NPAS3: variants seen among roughly 807,000 people sequenced by gnomAD.
NPAS3 encodes neuronal PAS domain-containing protein 3.
NPAS3 carries 14 observed loss-of-function variants against 73.1 expected under a neutral mutation model. The observed-to-expected ratio is 0.19, with a 90% CI of 0.13 to 0.30. The LOEUF (loss-of-function observed/expected upper bound fraction) is 0.30. Among genes scored for constraint, NPAS3 ranks in the 10% least tolerant of loss-of-function variants. The pLI is 1.00. For synonymous variants in NPAS3, 620 were observed against 541.5 expected (o/e 1.14, Z -2.01); for missense variants, 1,096 against 1,250.0 (o/e 0.88, Z 1.86).
chr14:32,970,960 A>C (rs2037394335), intron 1 of NPAS3, among the ~76,000 whole-genome samples: 1 of 152,068 alleles, frequency 6.6e-6, no homozygotes, highest in Non-Finnish European at 1.5e-5. Context: ...GCACAGTCCA[A>C]CCCATGACAC....
chr14:33,532,874 G>T (rs545449992), intron 4 of NPAS3, among the ~76,000 whole-genome samples: 1 of 152,124 alleles, frequency 6.6e-6, no homozygotes, highest in South Asian at 2.1e-4. Flanking sequence ...AATTTTGTTG[G>T]TTCATTGTCC....
chr14:33,609,343 G>A (rs779734666), intron 5 of NPAS3, among the ~76,000 whole-genome samples: 2 of 152,158 alleles, frequency 1.3e-5, no homozygotes, highest in Non-Finnish European at 2.9e-5. Flanking sequence ...TGAATTCATC[G>A]TATGAGAGAC....
intron 6 of NPAS3, among the ~76,000 whole-genome samples, chr14:33,712,054 G>C (rs1158149542): frequency 6.6e-6 from 1 of 152,138 alleles, no homozygotes; most frequent in Non-Finnish European, 1.5e-5. Flanking sequence ...CTATGGCATG[G>C]TGAAAAGTTG....
rs2045721614 is a variant in NPAS3, at chr14:33,363,944, GTGTGT to G, written c.386-3236_386-3232del. 1.2e-4 allele frequency among the ~76,000 whole-genome samples: 18 copies of G among 151,852 alleles called. No homozygotes were observed. In the South Asian group the frequency reaches 3.5e-3, roughly 30 times the overall value. On this transcript the variant is annotated intron_variant, in intron 3 of 11. Transcript: ENST00000356141. Reference sequence around the variant, plus strand: ...CCTCTGTGTGTGTGTGTGTGTGTGTGTGTGTTGTGTGTGTGTGTATAGGTTAATTT... The same window carrying G: ...CCTCTGTGTGTGTGTGTGTGTGTGTGTGTGTGTGTGTGTATAGGTTAATTT...
At chr14:33,226,557 A>C (rs545784270) in intron 3 of NPAS3, among the ~76,000 whole-genome samples, 1 of 152,292 alleles carries the variant, frequency 6.6e-6, no homozygotes, top group South Asian at 2.1e-4. Context: ...AAAATGAATA[A>C]ATGTGGCTAA....
At chr14:33,787,639 CCTG>C (rs2063219800) in intron 9 of NPAS3, among the ~76,000 whole-genome samples, 1 of 151,654 alleles carries the variant, frequency 6.6e-6, no homozygotes, top group Non-Finnish European at 1.5e-5. Context: ...TTTCTGGATG[CCTG>C]CTATTTAAGA....
chr14:33,430,151 G>A (rs2048723734), intron 4 of NPAS3, among the ~76,000 whole-genome samples: 2 of 152,138 alleles, frequency 1.3e-5, no homozygotes, highest in South Asian at 2.1e-4. Context: ...GCTTGTTGTT[G>A]CTCTTGCAAG....
intron 7 of NPAS3, among the ~76,000 whole-genome samples, chr14:33,770,923 A>G (rs974827833): frequency 2.0e-5 from 3 of 152,130 alleles, no homozygotes; most frequent in Admixed American, 6.5e-5. Flanking sequence ...CAAAACAAAA[A>G]ATCTTTGCAA....
At chr14:33,249,518 G>A (rs889862702) in intron 3 of NPAS3, among the ~76,000 whole-genome samples, 1 of 151,996 alleles carries the variant, frequency 6.6e-6, no homozygotes, top group African/African-American at 2.4e-5. Context: ...AAGGTCAAAG[G>A]AGCAGCTGCC....
At chr14:33,540,229 AGAAACT>A (rs1477364721) in intron 4 of NPAS3, among the ~76,000 whole-genome samples, 1 of 152,232 alleles carries the variant, frequency 6.6e-6, no homozygotes, top group Non-Finnish European at 1.5e-5. Flanking sequence ...AATACATTTC[AGAAACT>A]GAAAATACCA....
chr14:33,736,153 A>T (rs754066378), intron 7 of NPAS3, among the ~76,000 whole-genome samples: 17 of 152,210 alleles, frequency 1.1e-4, no homozygotes, highest in Admixed American at 3.3e-4. Flanking sequence ...AGCCGTTGTG[A>T]CCTTCCCCAG....
chr14:33,310,790 TACACACACACACACACACACACAC>T (rs57506320), intron 3 of NPAS3, among the ~76,000 whole-genome samples: 4 of 142,144 alleles, frequency 2.8e-5, no homozygotes, highest in African/African-American at 1.0e-4. Flanking sequence ...AAATGTATGG[TACACACACACACACACACACACAC>T]ACACACACAC....
intron 5 of NPAS3, among the ~76,000 whole-genome samples, chr14:33,561,390 T>C (rs984445793): frequency 6.6e-6 from 1 of 152,218 alleles, no homozygotes; most frequent in Non-Finnish European, 1.5e-5. Context: ...GATTATTTAC[T>C]GTTGAGAATC....
At chr14:33,223,863 A>G (rs202046545) in intron 3 of NPAS3, among the ~76,000 whole-genome samples, 2 of 151,514 alleles carry the variant, frequency 1.3e-5, no homozygotes, top group East Asian at 3.9e-4. Flanking sequence ...TTTTGTTTGT[A>G]TTTTCAATAT....
intron 5 of NPAS3, among the ~76,000 whole-genome samples, chr14:33,650,918 C>G (rs1054772497): frequency 6.6e-6 from 1 of 152,086 alleles, no homozygotes; most frequent in Non-Finnish European, 1.5e-5. Context: ...GTTCTGATGC[C>G]CATTGTAGGT....
At chr14:33,291,864 C>G (rs1484893966) in intron 3 of NPAS3, among the ~76,000 whole-genome samples, 1 of 152,220 alleles carries the variant, frequency 6.6e-6, no homozygotes, top group African/African-American at 2.4e-5. Context: ...CCACGCCTCA[C>G]TTCTACCAGA....
In NPAS3 at chr14:33,366,232, A is replaced by C. The variant is rs571247907; in HGVS notation, c.386-954A>C. Among the ~76,000 whole-genome samples, 13 of 152,168 alleles carry C rather than the reference A, an allele frequency of 8.5e-5. No homozygotes were observed. The East Asian group carries it at 2.1e-3, about 25-fold the overall frequency. On this transcript the variant is annotated intron_variant, in intron 3 of 11. Transcript: ENST00000356141. ...GATTCTGGGGGCTTCTTGATCTGTG[A>C]ATAGTTCATTGCTCAATTATACTCC...
intron 1 of NPAS3, among the ~76,000 whole-genome samples, chr14:33,038,823 A>T (rs924942044): frequency 6.6e-6 from 1 of 152,174 alleles, no homozygotes; most frequent in Admixed American, 6.5e-5. Context: ...AGGCATAGTC[A>T]AGGCAGTATA....
intron 2 of NPAS3, among the ~76,000 whole-genome samples, chr14:33,128,935 T>A (rs1014874855): frequency 6.6e-5 from 10 of 152,156 alleles, no homozygotes; most frequent in African/African-American, 2.4e-4. Flanking sequence ...ATCCTCCATA[T>A]GCTCTTTTCA....
Sources: allele counts gnomAD v4.1 joint callset (sites outside exome capture counted in the v4.1 genomes callset), GRCh38; gene constraint gnomAD v4.1.1; transcripts MANE v1.5; gene names NCBI Gene and HGNC (gene_info 2026-07-23, HGNC 2026-07-21).